VTI1A: variants seen among roughly 807,000 people sequenced by gnomAD.
The protein encoded by VTI1A is vesicle transport through interaction with t-SNAREs homolog 1A.
VTI1A carries 22 observed loss-of-function variants against 34.9 expected under a neutral mutation model. The ratio of observed to expected loss-of-function variants is 0.63; its 90% CI spans 0.45 to 0.90. The LOEUF (loss-of-function observed/expected upper bound fraction) is 0.90. Ranked by LOEUF, VTI1A falls within the 40% of genes least tolerant of loss-of-function variation. The pLI, the probability that VTI1A is intolerant of heterozygous loss-of-function variation, is 0.00. For synonymous variants in VTI1A, 87 were observed against 97.3 expected (o/e 0.89, Z 0.62); for missense variants, 268 against 275.6 (o/e 0.97, Z 0.20).
At chr10:112,775,845 A>G (rs1851941516) in intron 7 of VTI1A, among the ~76,000 whole-genome samples, 1 of 152,246 alleles carries the variant, frequency 6.6e-6, no homozygotes, top group Non-Finnish European at 1.5e-5. Context: ...TTAAAAATAT[A>G]TCACCAGATA....
intron 5 of VTI1A, among the ~76,000 whole-genome samples, chr10:112,556,848 G>T (rs1416429688): frequency 6.6e-6 from 1 of 151,958 alleles, no homozygotes; most frequent in Non-Finnish European, 1.5e-5. Flanking sequence ...TCCAAATTTT[G>T]CATGGCATCT....
the VTI1A span, among the ~76,000 whole-genome samples, chr10:112,842,772 G>A: frequency 6.6e-6 from 1 of 152,164 alleles, no homozygotes; most frequent in Non-Finnish European, 1.5e-5. Context: ...TGGCAACATG[G>A]AGAATATCCA....
intron 4 of VTI1A, among the ~76,000 whole-genome samples, chr10:112,534,168 T>C (rs1850542948): frequency 6.6e-6 from 1 of 152,174 alleles, no homozygotes; most frequent in Non-Finnish European, 1.5e-5. Flanking sequence ...TTTCTGAGTT[T>C]GCTGGACTGT....
intron 7 of VTI1A, among the ~76,000 whole-genome samples, chr10:112,679,783 G>A (rs1461454313): frequency 1.3e-5 from 2 of 151,292 alleles, no homozygotes. Context: ...AAAAACACCT[G>A]TCAACCATTT....
chr10:112,830,849 A>ATTTTTTTTTTTTTTTTTTTTT, the VTI1A span, among the ~76,000 whole-genome samples: 2 of 33,498 alleles, frequency 6.0e-5, no homozygotes, highest in African/African-American at 2.9e-4. Context: ...ATATATATAT[A>ATTTTTTTTTTTTTTTTTTTTT]TTTTTTTTTT....
intron 7 of VTI1A, among the ~76,000 whole-genome samples, chr10:112,778,196 A>G (rs1267630430): frequency 6.6e-6 from 1 of 152,228 alleles, no homozygotes; most frequent in East Asian, 1.9e-4. Flanking sequence ...TTTCTGATCT[A>G]TGAGTTGGAA....
At chr10:112,501,216 C>A (rs1356026374) in intron 3 of VTI1A, among the ~76,000 whole-genome samples, 1 of 152,074 alleles carries the variant, frequency 6.6e-6, no homozygotes, top group African/African-American at 2.4e-5. Context: ...TATCTGTAGT[C>A]TTATTTAGAT....
intron 5 of VTI1A, among the ~76,000 whole-genome samples, chr10:112,544,927 G>T (rs1395904255): frequency 6.6e-6 from 1 of 152,174 alleles, no homozygotes; most frequent in Non-Finnish European, 1.5e-5. Flanking sequence ...ACATGGAAGG[G>T]GTCTGGATTT....
intron 4 of VTI1A, among the ~76,000 whole-genome samples, chr10:112,535,133 A>G (rs12255141): frequency 0.13 from 20,463 of 152,098 alleles, 1,625 homozygotes; most frequent in East Asian, 0.27. Context: ...TTCTTTTCTT[A>G]TGCCTGTAGC....
intron 7 of VTI1A, among the ~76,000 whole-genome samples, chr10:112,692,824 G>A (rs1848652876): frequency 6.6e-6 from 1 of 152,226 alleles, no homozygotes; most frequent in African/African-American, 2.4e-5. Flanking sequence ...ACACATCACA[G>A]TGGGAACCAC....
At chr10:112,458,735 C>T (rs1847631170) in intron 1 of VTI1A, among the ~76,000 whole-genome samples, 1 of 151,818 alleles carries the variant, frequency 6.6e-6, no homozygotes, top group African/African-American at 2.4e-5. Context: ...GGTGCGATCT[C>T]GGCTCACTGC....
chr10:112,783,595 T>C (rs1852199245), intron 7 of VTI1A, among the ~76,000 whole-genome samples: 1 of 152,246 alleles, frequency 6.6e-6, no homozygotes, highest in Non-Finnish European at 1.5e-5. Flanking sequence ...GGCCTTTGGC[T>C]TCATGGCTAG....
intron 7 of VTI1A, among the ~76,000 whole-genome samples, chr10:112,798,868 A>G (rs1852768097): frequency 6.6e-6 from 1 of 152,060 alleles, no homozygotes; most frequent in Non-Finnish European, 1.5e-5. Flanking sequence ...GACCTATAAC[A>G]CGCTGCATAG....
the VTI1A span, among the ~76,000 whole-genome samples, chr10:112,848,132 T>C: frequency 1.3e-5 from 2 of 152,236 alleles, no homozygotes; most frequent in African/African-American, 4.8e-5. Context: ...AGGTCTTGTC[T>C]TTTTGTTTCA....
intron 7 of VTI1A, among the ~76,000 whole-genome samples, chr10:112,703,609 A>G (rs552901887): frequency 4.5e-4 from 68 of 152,330 alleles, no homozygotes; most frequent in African/African-American, 1.6e-3. Flanking sequence ...TGCATTATAT[A>G]TAATTAATCT....
intron 7 of VTI1A, among the ~76,000 whole-genome samples, chr10:112,731,962 C>A (rs1850280400): frequency 1.3e-5 from 2 of 151,870 alleles, no homozygotes; most frequent in Admixed American, 1.3e-4. Flanking sequence ...TACTTAAGCA[C>A]CTTGTCACAC....
rs542901607 is a variant in VTI1A, at chr10:112,633,996, C to A, written c.428-34222C>A. ...CCTATTTTAGTGGTGTATCCAAACA[C>A]CTTTTTCCCAGAGTAATAGAGCTTT... On this transcript the variant is annotated intron_variant, in intron 5 of 7. Coordinates refer to ENST00000393077, the MANE Select transcript of VTI1A (RefSeq NM_145206.4). Among the ~76,000 whole-genome samples, 6 of 152,282 alleles carry A rather than the reference C, an allele frequency of 3.9e-5. No homozygotes were observed. In the East Asian group the frequency reaches 1.2e-3, roughly 29 times the overall value.
intron 7 of VTI1A, among the ~76,000 whole-genome samples, chr10:112,684,347 T>C (rs1848325212): frequency 6.6e-6 from 1 of 152,168 alleles, no homozygotes; most frequent in Admixed American, 6.5e-5. Context: ...TTTTTCTAGC[T>C]TATAGCTATA....
intron 3 of VTI1A, among the ~76,000 whole-genome samples, chr10:112,495,601 G>T (rs576447651): frequency 1.3e-5 from 2 of 152,238 alleles, no homozygotes; most frequent in Non-Finnish European, 1.5e-5. Flanking sequence ...TCCCAGTGGA[G>T]AAATTAAATA....
Sources: allele counts gnomAD v4.1 joint callset (sites outside exome capture counted in the v4.1 genomes callset), GRCh38; gene constraint gnomAD v4.1.1; transcripts MANE v1.5; gene names NCBI Gene and HGNC (gene_info 2026-07-23, HGNC 2026-07-21).